Variants in PRKG1 observed in about 807,000 individuals in gnomAD.
The protein encoded by PRKG1 is cGMP-dependent protein kinase 1.
A neutral mutation model predicts 88.1 loss-of-function variants in PRKG1; 35 were observed. The ratio of observed to expected loss-of-function variants is 0.40; its 90% CI spans 0.30 to 0.53. The LOEUF (loss-of-function observed/expected upper bound fraction) is 0.53, where lower values mean the gene tolerates loss of function less well. PRKG1 is among the 20% of genes least tolerant of loss of function. The pLI is 0.59. For synonymous variants in PRKG1, 303 were observed against 292.5 expected, an observed-to-expected ratio of 1.04 and a Z score of -0.37; for missense variants, 540 against 839.8, an observed-to-expected ratio of 0.64 and a Z score of 4.41.
chr10:51,842,117 G>A (rs966681083), intron 4 of PRKG1, among the ~76,000 whole-genome samples: 1 of 152,108 alleles, frequency 6.6e-6, no homozygotes, highest in South Asian at 2.1e-4. Flanking sequence ...TGGCTAAGTG[G>A]GTCTGACTTG....
chr10:51,038,509 C>T (rs893071203), intron 1 of PRKG1, among the ~76,000 whole-genome samples: 2 of 152,176 alleles, frequency 1.3e-5, no homozygotes, highest in Non-Finnish European at 2.9e-5. Context: ...TGGTAACCAT[C>T]CTTCTACCCT....
At chr10:51,847,217 A>G (rs904399229) in intron 4 of PRKG1, among the ~76,000 whole-genome samples, 2 of 152,214 alleles carry the variant, frequency 1.3e-5, no homozygotes, top group African/African-American at 4.8e-5. Context: ...AATTTAGTCA[A>G]TATAGAAATA....
chr10:52,234,381 C>A (rs984475540), intron 9 of PRKG1, among the ~76,000 whole-genome samples: 6 of 152,024 alleles, frequency 3.9e-5, no homozygotes, highest in Non-Finnish European at 7.4e-5. Flanking sequence ...TACGGGAGGA[C>A]ATTCAAACCA....
intron 2 of PRKG1, among the ~76,000 whole-genome samples, chr10:51,225,928 G>T (rs2132099935): frequency 6.6e-6 from 1 of 152,236 alleles, no homozygotes; most frequent in East Asian, 1.9e-4. Flanking sequence ...TCTGTGCTGG[G>T]CGCGATGGCT....
intron 3 of PRKG1, among the ~76,000 whole-genome samples, chr10:51,767,749 C>T (rs1436979963): frequency 2.0e-5 from 3 of 152,064 alleles, no homozygotes. Context: ...GTTTTATCTT[C>T]CTTCATCATT....
At chr10:52,104,429 T>G (rs1847367786) in intron 7 of PRKG1, among the ~76,000 whole-genome samples, 1 of 152,132 alleles carries the variant, frequency 6.6e-6, no homozygotes, top group Non-Finnish European at 1.5e-5. Flanking sequence ...CCCAGTACCT[T>G]TCAGTGTTAC....
chr10:52,274,316 T>C (rs574528967), intron 12 of PRKG1, among the ~76,000 whole-genome samples: 3 of 146,852 alleles, frequency 2.0e-5, no homozygotes, highest in African/African-American at 7.4e-5. Flanking sequence ...CATTGCATCA[T>C]TCGTATGCCT....
chr10:51,992,620 A>G (rs892214204), intron 5 of PRKG1, among the ~76,000 whole-genome samples: 10 of 152,102 alleles, frequency 6.6e-5, no homozygotes, highest in African/African-American at 2.4e-4. Context: ...TTACTGCCCC[A>G]AAATCGTATC....
chr10:51,702,118 C>T (rs1225751576), intron 3 of PRKG1, among the ~76,000 whole-genome samples: 1 of 152,154 alleles, frequency 6.6e-6, no homozygotes, highest in Non-Finnish European at 1.5e-5. Context: ...CTAGTACATG[C>T]TGATCTGCTA....
At chr10:51,664,233 G>A (rs193163089) in intron 3 of PRKG1, among the ~76,000 whole-genome samples, 2 of 152,086 alleles carry the variant, frequency 1.3e-5, no homozygotes, top group Non-Finnish European at 2.9e-5. Flanking sequence ...TAATTTGACA[G>A]AATATCATCA....
At chr10:52,164,768 A>C (rs1290223891) in intron 9 of PRKG1, among the ~76,000 whole-genome samples, 1 of 152,170 alleles carries the variant, frequency 6.6e-6, no homozygotes, top group Non-Finnish European at 1.5e-5. Context: ...ACTGAGGTGT[A>C]ACTGAGAAAT....
chr10:51,737,740 A>AATTAATT (rs1554837023), intron 3 of PRKG1, among the ~76,000 whole-genome samples: 2 of 133,432 alleles, frequency 1.5e-5, no homozygotes, highest in East Asian at 4.4e-4. Context: ...TTTATTTATT[A>AATTAATT]ATTATTATTA....
At chr10:52,090,534 A>G (rs983065166) in intron 7 of PRKG1, among the ~76,000 whole-genome samples, 1 of 152,192 alleles carries the variant, frequency 6.6e-6, no homozygotes, top group African/African-American at 2.4e-5. Flanking sequence ...TCATTGGATC[A>G]TCACAGTTAA....
intron 3 of PRKG1, among the ~76,000 whole-genome samples, chr10:51,738,845 G>T (rs1704330289): frequency 6.6e-6 from 1 of 152,182 alleles, no homozygotes; most frequent in Non-Finnish European, 1.5e-5. Flanking sequence ...GATAGTGAAT[G>T]CTGTGAATTG....
chr10:51,058,018 A>T (rs962846058), intron 1 of PRKG1, among the ~76,000 whole-genome samples: 1 of 152,136 alleles, frequency 6.6e-6, no homozygotes, highest in African/African-American at 2.4e-5. Flanking sequence ...CAGACTAAGG[A>T]TTGCTGTGAA....
chr10:51,754,189 C>T (rs1315761182), intron 3 of PRKG1, among the ~76,000 whole-genome samples: 2 of 152,242 alleles, frequency 1.3e-5, no homozygotes, highest in South Asian at 4.1e-4. Context: ...GAAAGTCTTA[C>T]TCAGGCAGAC....
At chr10:51,917,045 C>A (rs960590574) in intron 5 of PRKG1, among the ~76,000 whole-genome samples, 1 of 151,928 alleles carries the variant, frequency 6.6e-6, no homozygotes, top group Non-Finnish European at 1.5e-5. Flanking sequence ...GGGCTGGGCA[C>A]GGTGGCTCAT....
At chr10:51,092,803 A>T (rs1335417148) in intron 1 of PRKG1, among the ~76,000 whole-genome samples, 1 of 152,232 alleles carries the variant, frequency 6.6e-6, no homozygotes, top group South Asian at 2.1e-4. Context: ...CCATGTGTTT[A>T]CAGTAAGTTG....
At chr10:51,966,006 T>G (rs1233009464) in intron 5 of PRKG1, among the ~76,000 whole-genome samples, 1 of 152,218 alleles carries the variant, frequency 6.6e-6, no homozygotes, top group African/African-American at 2.4e-5. Flanking sequence ...TAGATTCAAT[T>G]ATATAGTTAT....
Sources: gnomAD v4.1 joint callset for allele counts (sites outside exome capture counted in the v4.1 genomes callset) on GRCh38, gnomAD v4.1.1 for gene constraint, MANE v1.5 for transcripts, NCBI Gene and HGNC (gene_info 2026-07-23, HGNC 2026-07-21) for gene names.